ADGRL1: variants seen among roughly 807,000 people sequenced by gnomAD.
ADGRL1 encodes the protein adhesion G protein-coupled receptor L1.
ADGRL1 carries 31 observed loss-of-function variants against 148.9 expected under a neutral mutation model. The observed-to-expected ratio is 0.21, with a 90% confidence interval of 0.16 to 0.28. ADGRL1 has a LOEUF of 0.28. Among genes scored for constraint, ADGRL1 ranks in the 10% least tolerant of loss-of-function variants. ADGRL1 has a pLI of 1.00. For synonymous variants in ADGRL1, 937 were observed against 900.3 expected (o/e 1.04, Z -0.73); for missense variants, 1,521 against 2,058.8 (o/e 0.74, Z 5.05).
chr19:14,200,796 C>T (rs1013914850), intron 1 of ADGRL1, among the ~76,000 whole-genome samples: 8 of 152,042 alleles, frequency 5.3e-5, no homozygotes, highest in Non-Finnish European at 1.0e-4. Context: ...ATTTTGTATT[C>T]TGTAAAGAAG....
rs1023018211 is a variant in ADGRL1, at chr19:14,161,799, A to T, written c.1196-173T>A. Among the ~76,000 whole-genome samples the T allele has an allele frequency of 1.4e-4, 22 of 152,138 alleles. No homozygotes were observed. Among genetic ancestry groups the T allele is most frequent in the African/African-American group, 5.3e-4 (22 of 41,422 alleles). Reference sequence around the variant, plus strand: ...CTCCCCTGGCCGCTCTGTGCCCACCAAAGTCCCTTATGCCCATGGGCCCAT... The same window carrying T: ...CTCCCCTGGCCGCTCTGTGCCCACCTAAGTCCCTTATGCCCATGGGCCCAT... On this transcript the variant is annotated intron_variant, in intron 5 of 22. Transcript: ENST00000361434. The surrounding 1 kb of genome is among the most constrained non-coding windows in gnomAD (Gnocchi z 4.4).
intron 1 of ADGRL1, among the ~76,000 whole-genome samples, chr19:14,204,713 T>G (rs139238782): frequency 7.0e-6 from 1 of 142,890 alleles, no homozygotes; most frequent in Non-Finnish European, 1.5e-5. Context: ...ACAGAGAGAG[T>G]GAGAGAGAGA....
chr19:14,184,557 C>G (rs964919575), intron 1 of ADGRL1, among the ~76,000 whole-genome samples: 1 of 151,830 alleles, frequency 6.6e-6, no homozygotes, highest in African/African-American at 2.4e-5. Flanking sequence ...CTCAGCCTCC[C>G]AAGTAGCTGA....
intron 2 of ADGRL1, among the ~76,000 whole-genome samples, chr19:14,178,939 T>G (rs1715228036): frequency 6.6e-6 from 1 of 151,972 alleles, no homozygotes; most frequent in South Asian, 2.1e-4. Context: ...ATCCCCGCAC[T>G]TTGGGAGGCT....
chr19:14,192,482 C>CCA (rs981900349), intron 1 of ADGRL1, among the ~76,000 whole-genome samples: 1 of 151,880 alleles, frequency 6.6e-6, no homozygotes, highest in Admixed American at 6.6e-5. Flanking sequence ...CTCAGGTGAT[C>CCA]CACCTGCCTT....
Position 14,160,708 on chromosome 19 carries a change from G to T in ADGRL1, c.1511-12C>A. ...GAAGGAGGCAATTCCTGCAGGGACA[G>T]ACAGACAGGAACAGACAAGGGAGCC... is the stretch of plus-strand genomic sequence containing the variant. On this transcript the variant is annotated splice_polypyrimidine_tract_variant and intron_variant, in intron 6 of 22. Transcript: ENST00000361434. This position sits in a 1 kb window ranked among gnomAD's most constrained non-coding sequence, Gnocchi z 5.9. 1 of 1,520,432 alleles carries T rather than the reference G, an allele frequency of 6.6e-7. No homozygotes were observed. Among genetic ancestry groups the T allele is most frequent in the Non-Finnish European group, 9.1e-7 (1 of 1,096,472 alleles). 94.2% of individuals were successfully genotyped at this position (1,520,432 alleles called of 1,614,324 possible).
intron 1 of ADGRL1, among the ~76,000 whole-genome samples, chr19:14,193,999 T>C (rs1972107068): frequency 1.3e-5 from 2 of 151,932 alleles, no homozygotes; most frequent in South Asian, 4.2e-4. Flanking sequence ...CCCAGCACTT[T>C]GGGAGGCCAA....
chr19:14,158,611 A>C, intron 11 of ADGRL1, 59 bp from the exon 12 acceptor site: 1 of 1,421,180 alleles, frequency 7.0e-7, no homozygotes, highest in Non-Finnish European at 9.8e-7. Flanking sequence ...ACCTCCATCC[A>C]GGCCCCTGGC....
At chr19:14,203,330 G>C (rs1335823027) in intron 1 of ADGRL1, among the ~76,000 whole-genome samples, 5 of 152,146 alleles carry the variant, frequency 3.3e-5, no homozygotes, top group Admixed American at 6.5e-5. Flanking sequence ...GGAGGGGGTG[G>C]AGGGCAAAGA....
chr19:14,205,550 C>T (rs1429991644), intron 1 of ADGRL1, among the ~76,000 whole-genome samples: 1 of 152,032 alleles, frequency 6.6e-6, no homozygotes, highest in African/African-American at 2.4e-5. Context: ...GCACCCCCTC[C>T]GCTCACACCC....
At chr19:14,201,804 G>A (rs1233187110) in intron 1 of ADGRL1, among the ~76,000 whole-genome samples, 5 of 152,020 alleles carry the variant, frequency 3.3e-5, no homozygotes, top group African/African-American at 2.4e-5. Context: ...CAACATCCTC[G>A]CGCGCTTGGA....
Position 14,161,146 on chromosome 19 carries a change from ACT to A in ADGRL1, c.1510+164_1510+165del, listed in dbSNP as rs938650132. Among the ~76,000 whole-genome samples the A allele has an allele frequency of 6.6e-6, 1 of 152,208 alleles. No individual in the cohort carries two copies. The highest frequency in any genetic ancestry group is 2.4e-5 in the African/African-American group (1 of 41,460). On this transcript the variant is annotated intron_variant, in intron 6 of 22. Transcript: ENST00000361434. The surrounding 1 kb of genome is among the most constrained non-coding windows in gnomAD (Gnocchi z 4.4). Reference sequence around the variant, plus strand: ...AGGTTCTGCAGGTGGGGCCAGGGGCACTGAGTGGCTCCTGTGCCCTGAGAGCT... The same window carrying A: ...AGGTTCTGCAGGTGGGGCCAGGGGCAGAGTGGCTCCTGTGCCCTGAGAGCT...
At chr19:14,167,165 G>T in intron 4 of ADGRL1, 1 of 791,142 alleles carries the variant, frequency 1.3e-6, no homozygotes, top group Non-Finnish European at 2.1e-6. Flanking sequence ...TTCCTTCCTC[G>T]CTCCTGCTTC....
chr19:14,185,967 T>TAGAA (rs966046040), intron 1 of ADGRL1, among the ~76,000 whole-genome samples: 57 of 152,352 alleles, frequency 3.7e-4, no homozygotes, highest in African/African-American at 1.4e-3. Context: ...TCTGCTCAGA[T>TAGAA]AGAACTATTC....
Position 14,157,654 on chromosome 19 carries a change from A to T in ADGRL1, c.2536-194T>A, listed in dbSNP as rs745975089. ...CTCATGCTCTGGAAGGCTTGTGGAG[A>T]GATGACCAACGTAACACCAACTTGC... On this transcript the variant is annotated intron_variant, in intron 13 of 22. Coordinates refer to ENST00000361434, the MANE Select transcript of ADGRL1 (RefSeq NM_014921.5). This position sits in a 1 kb window ranked among gnomAD's most constrained non-coding sequence, Gnocchi z 7.5. 2.8e-4 allele frequency among the ~76,000 whole-genome samples: 42 copies of T among 152,220 alleles called. No individual in the cohort carries two copies. Among genetic ancestry groups the T allele is most frequent in the Non-Finnish European group, 5.0e-4 (34 of 68,036 alleles).
At chr19:14,156,053 C>T in intron 17 of ADGRL1, 57 bp downstream of exon 17, 2 of 1,370,722 alleles carry the variant, frequency 1.5e-6, no homozygotes, top group South Asian at 2.5e-5. Context: ...AAGAGGTGGG[C>T]CCAGCGTGGG....
At chr19:14,189,533 T>A (rs948458499) in intron 1 of ADGRL1, among the ~76,000 whole-genome samples, 3 of 152,170 alleles carry the variant, frequency 2.0e-5, no homozygotes, top group Admixed American at 2.0e-4. Flanking sequence ...CCTGGCCTTA[T>A]TTTGTGTCCA....
chr19:14,166,580 G>C (rs1969985091), intron 4 of ADGRL1, among the ~76,000 whole-genome samples: 2 of 148,312 alleles, frequency 1.3e-5, no homozygotes, highest in African/African-American at 4.9e-5. Context: ...GAGAGAGAGA[G>C]AAAGAGAGAG....
chr19:14,190,401 G>T (rs1312651964), intron 1 of ADGRL1, among the ~76,000 whole-genome samples: 1 of 152,176 alleles, frequency 6.6e-6, no homozygotes, highest in Non-Finnish European at 1.5e-5. Flanking sequence ...CGTGTAGCTG[G>T]AATTACAGGT....
Sources: allele counts gnomAD v4.1 joint callset (sites outside exome capture counted in the v4.1 genomes callset), GRCh38; gene constraint gnomAD v4.1.1; non-coding constraint Gnocchi (gnomAD v3.1); transcripts MANE v1.5; gene names NCBI Gene and HGNC (gene_info 2026-07-23, HGNC 2026-07-21).